The following CCDC169 variants were observed in gnomAD, a reference collection of about 807,000 sequenced individuals.
CCDC169 encodes the protein coiled-coil domain containing 169.
In CCDC169, 30 loss-of-function variants were observed where a neutral mutation model predicts 36.0. The observed-to-expected ratio is 0.83, with a 90% CI of 0.62 to 1.13. CCDC169 has a LOEUF of 1.13. Ranked by LOEUF, CCDC169 falls within the 50% of genes most tolerant of loss-of-function variation. The pLI, the probability that CCDC169 is intolerant of heterozygous loss-of-function variation, is 0.00. For missense variants in CCDC169, 245 were observed against 245.9 expected, an observed-to-expected ratio of 1.00 and a Z score of 0.03; for synonymous variants, 85 against 81.5, an observed-to-expected ratio of 1.04 and a Z score of -0.23.
intron 4 of CCDC169, among the ~76,000 whole-genome samples, chr13:36,265,511 TAC>T (rs1456727094): frequency 6.6e-6 from 1 of 152,234 alleles, no homozygotes; most frequent in Admixed American, 6.5e-5. Flanking sequence ...TGCAGTAGCC[TAC>T]AGTTTTTCCC....
chr13:36,244,200 G>GT (rs1280690824), intron 7 of CCDC169, among the ~76,000 whole-genome samples: 1 of 152,156 alleles, frequency 6.6e-6, no homozygotes, highest in African/African-American at 2.4e-5. Context: ...CCCTTGGCTG[G>GT]TATCTGGAAA....
At chr13:36,290,210 C>T (rs757445898) in intron 2 of CCDC169, among the ~76,000 whole-genome samples, 1 of 152,110 alleles carries the variant, frequency 6.6e-6, no homozygotes, top group Non-Finnish European at 1.5e-5. Context: ...TAGTAAACTA[C>T]TTTCATGAGA....
intron 4 of CCDC169, among the ~76,000 whole-genome samples, chr13:36,256,876 G>A (rs935937280): frequency 6.6e-6 from 1 of 152,182 alleles, no homozygotes; most frequent in Admixed American, 6.5e-5. Flanking sequence ...GTGTCCATAG[G>A]TTCCCTGGCA....
chr13:36,265,039 G>A (rs981180665), intron 4 of CCDC169, among the ~76,000 whole-genome samples: 2 of 152,204 alleles, frequency 1.3e-5, no homozygotes, highest in African/African-American at 4.8e-5. Flanking sequence ...ACAGTGGGAT[G>A]TTGAAGTCTC....
chr13:36,285,368 G>A (rs1878048602), intron 2 of CCDC169, among the ~76,000 whole-genome samples: 1 of 151,950 alleles, frequency 6.6e-6, no homozygotes, highest in Non-Finnish European at 1.5e-5. Context: ...GGCCAATGTG[G>A]TGAAACCCCG....
At chr13:36,275,525 G>A (rs1876688873) in intron 4 of CCDC169, among the ~76,000 whole-genome samples, 2 of 152,312 alleles carry the variant, frequency 1.3e-5, no homozygotes, top group African/African-American at 4.8e-5. Flanking sequence ...CACCTCAGGA[G>A]GCAGTCTCAG....
chr13:36,230,060 T>C (rs1870248099), downstream of CCDC169, among the ~76,000 whole-genome samples: 1 of 152,216 alleles, frequency 6.6e-6, no homozygotes, highest in African/African-American at 2.4e-5. Context: ...TTACTTAAAA[T>C]ATTTTTGGCT....
chr13:36,249,075 T>C (rs1210946362), intron 6 of CCDC169, among the ~76,000 whole-genome samples: 1 of 152,186 alleles, frequency 6.6e-6, no homozygotes, highest in African/African-American at 2.4e-5. Flanking sequence ...CAAGATAATA[T>C]TTTCATTTTT....
chr13:36,231,784 A>C (rs947795456), intron 7 of CCDC169, among the ~76,000 whole-genome samples: 2 of 152,166 alleles, frequency 1.3e-5, no homozygotes, highest in Non-Finnish European at 2.9e-5. Flanking sequence ...TAAGTCTAAC[A>C]TCTGGACTTC....
chr13:36,262,462 T>C (rs1216898233), intron 4 of CCDC169, among the ~76,000 whole-genome samples: 1 of 152,180 alleles, frequency 6.6e-6, no homozygotes, highest in African/African-American at 2.4e-5. Flanking sequence ...TCCTCTAACA[T>C]GTGCCACAAA....
intron 7 of CCDC169, among the ~76,000 whole-genome samples, chr13:36,233,097 C>G (rs1870631547): frequency 6.6e-6 from 1 of 152,136 alleles, no homozygotes; most frequent in Non-Finnish European, 1.5e-5. Context: ...ATTTGCCTGG[C>G]CGACTGTTGA....
chr13:36,293,495 G>T (rs1171040579), intron 2 of CCDC169, among the ~76,000 whole-genome samples: 1 of 152,130 alleles, frequency 6.6e-6, no homozygotes, highest in Non-Finnish European at 1.5e-5. Flanking sequence ...TTGAATCTGT[G>T]ACTACTATGA....
intron 2 of CCDC169, among the ~76,000 whole-genome samples, chr13:36,287,369 T>C (rs528506479): frequency 1.3e-5 from 2 of 152,324 alleles, no homozygotes; most frequent in African/African-American, 2.4e-5. Context: ...TTTCCTTGGA[T>C]TACCTATTAG....
intron 2 of CCDC169, among the ~76,000 whole-genome samples, chr13:36,292,633 G>A (rs1159532274): frequency 6.6e-6 from 1 of 152,152 alleles, no homozygotes; most frequent in Non-Finnish European, 1.5e-5. Context: ...CAAACAATAA[G>A]CAGATGAGAA....
chr13:36,251,445 T>C (rs1873143009), intron 6 of CCDC169, among the ~76,000 whole-genome samples: 1 of 152,164 alleles, frequency 6.6e-6, no homozygotes, highest in African/African-American at 2.4e-5. Flanking sequence ...TTTTATCATA[T>C]GTTCAGTGAT....
chr13:36,283,401 A>G (rs1877780705), intron 4 of CCDC169, 68 bp downstream of exon 4: 2 of 1,418,018 alleles, frequency 1.4e-6, no homozygotes, highest in Non-Finnish European at 1.9e-6. Context: ...TCTCTTTGAA[A>G]TACGTCTGGA....
intron 2 of CCDC169, among the ~76,000 whole-genome samples, chr13:36,295,526 T>G (rs1879376147): frequency 6.6e-6 from 1 of 152,222 alleles, no homozygotes; most frequent in African/African-American, 2.4e-5. Flanking sequence ...TGATGTCATG[T>G]AACAAAGTTT....
At chr13:36,227,380 G>A (rs1399464740), downstream of CCDC169, 2 of 1,543,564 alleles carry the variant, frequency 1.3e-6, no homozygotes, top group South Asian at 1.2e-5. Flanking sequence ...TTTAAGAGGA[G>A]GCTGTTTGAA....
chr13:36,297,114 C>A (rs529719946), intron 1 of CCDC169, among the ~76,000 whole-genome samples: 8 of 152,244 alleles, frequency 5.3e-5, no homozygotes, highest in Admixed American at 2.0e-4. Flanking sequence ...TCTCACGGGA[C>A]TTGTGGATGG....
Sources: gnomAD v4.1 joint callset for allele counts (sites outside exome capture counted in the v4.1 genomes callset) on GRCh38, gnomAD v4.1.1 for gene constraint, MANE v1.5 for transcripts, NCBI Gene and HGNC (gene_info 2026-07-23, HGNC 2026-07-21) for gene names.